Variants in NEBL observed in about 807,000 individuals in gnomAD.
The protein encoded by NEBL is LIM and SH3 protein 2.
NEBL carries 122 observed loss-of-function variants against 140.2 expected under a neutral mutation model. The ratio of observed to expected loss-of-function variants is 0.87; its 90% CI spans 0.75 to 1.01. NEBL has a LOEUF of 1.01. Ranked by LOEUF, NEBL falls within the 50% of genes least tolerant of loss-of-function variation. NEBL has a pLI of 0.00. For missense variants in NEBL, 1,365 were observed against 1,231.3 expected (o/e 1.11, Z -1.62); for synonymous variants, 436 against 398.9 (o/e 1.09, Z -1.11).
intron 2 of NEBL, chr10:21,126,121 G>A (rs1838819445): frequency 1.2e-6 from 2 of 1,606,540 alleles, no homozygotes; most frequent in African/African-American, 1.3e-5. Context: ...TGCCTTACCA[G>A]GCCTATGGGA....
At chr10:21,121,835 G>A (rs953342092) in intron 2 of NEBL, among the ~76,000 whole-genome samples, 1 of 152,158 alleles carries the variant, frequency 6.6e-6, no homozygotes, top group African/African-American at 2.4e-5. Flanking sequence ...CCAAAATGAA[G>A]TGATAGAAAA....
At chr10:20,797,065 G>C (rs950961141) in intron 26 of NEBL, among the ~76,000 whole-genome samples, 5 of 152,216 alleles carry the variant, frequency 3.3e-5, no homozygotes, top group Admixed American at 2.0e-4. Context: ...GGTAGACAGA[G>C]ATGCTATTTC....
chr10:20,961,432 T>C lies in NEBL; in HGVS notation c.357+240A>G, dbSNP rs566786283. On this transcript the variant is annotated intron_variant, in intron 4 of 6. Transcript: ENST00000417816. Reference sequence around the variant, plus strand: ...GCCTATTTTGGAAAAATTTGAAAGCTGAGAACCATTCAAAATGGAATAAGG... The same window carrying C: ...GCCTATTTTGGAAAAATTTGAAAGCCGAGAACCATTCAAAATGGAATAAGG... 3.9e-5 allele frequency among the ~76,000 whole-genome samples: 6 copies of C among 152,266 alleles called. No homozygotes were observed. The East Asian group carries it at 1.2e-3, about 29-fold the overall frequency.
chr10:21,134,566 C>A lies in NEBL; in HGVS notation c.164+37817G>T, dbSNP rs664959. 4.5e-3 allele frequency among the ~76,000 whole-genome samples: 681 copies of A among 152,062 alleles called. 14 individuals are homozygous for A. The East Asian group carries it at 0.049, about 11-fold the overall frequency. ...CTTCTTCCAAGGACTACCTTTTACA[C>A]GGTCGATCCCTAATTTTCCGGATTT... On this transcript the variant is annotated intron_variant, in intron 2 of 6. Transcript: ENST00000417816.
chr10:21,045,781 G>C (rs1834484874), intron 2 of NEBL, among the ~76,000 whole-genome samples: 1 of 152,134 alleles, frequency 6.6e-6, no homozygotes, highest in African/African-American at 2.4e-5. Context: ...AATTAGTATA[G>C]CCATTATGGA....
chr10:20,987,185 G>C (rs900251293), intron 3 of NEBL, among the ~76,000 whole-genome samples: 1 of 151,358 alleles, frequency 6.6e-6, no homozygotes, highest in Non-Finnish European at 1.5e-5. Flanking sequence ...CAAGATCATT[G>C]CTTCTTTTTT....
intron 26 of NEBL, among the ~76,000 whole-genome samples, chr10:20,796,503 A>C: frequency 6.6e-6 from 1 of 152,050 alleles, no homozygotes; most frequent in East Asian, 1.9e-4. Flanking sequence ...TTAGCCTCAC[A>C]AACCAAGAAA....
At chr10:21,243,195 A>T (rs1316074803) in intron 3 of NEBL, among the ~76,000 whole-genome samples, 2 of 152,068 alleles carry the variant, frequency 1.3e-5, no homozygotes, top group African/African-American at 4.8e-5. Flanking sequence ...CATGGTAGAC[A>T]TCCATTCAAG....
chr10:20,930,037 A>G (rs1240021236), intron 4 of NEBL, among the ~76,000 whole-genome samples: 4 of 152,160 alleles, frequency 2.6e-5, no homozygotes, highest in South Asian at 2.1e-4. Flanking sequence ...TGTAAATGCC[A>G]TCTAGGTGCT....
At chr10:21,207,912 G>A (rs1417610218) in intron 3 of NEBL, among the ~76,000 whole-genome samples, 1 of 152,198 alleles carries the variant, frequency 6.6e-6, no homozygotes, top group Non-Finnish European at 1.5e-5. Context: ...TCTTATGACA[G>A]ATACTGTTGA....
At chr10:21,263,925 A>C (rs1263498244) in intron 1 of NEBL, among the ~76,000 whole-genome samples, 1 of 152,116 alleles carries the variant, frequency 6.6e-6, no homozygotes, top group African/African-American at 2.4e-5. Context: ...AGATCACACC[A>C]TTGCACTCCA....
At chr10:21,120,346 G>A (rs77408923) in intron 2 of NEBL, among the ~76,000 whole-genome samples, 2,085 of 132,238 alleles carry the variant, frequency 0.016, 59 homozygotes, top group African/African-American at 0.059. Context: ...CTGCACTCAA[G>A]CCTGGGCAAC....
chr10:20,785,895 C>T lies in NEBL; in HGVS notation c.2897G>A (p.Ser966Asn). 1.2e-6 allele frequency: 2 copies of T among 1,614,026 alleles called. No homozygotes were observed. Among genetic ancestry groups the T allele is most frequent in the South Asian group, 1.1e-5 (1 of 91,080 alleles). ...LRTYRAMYDY[S>N]AQDEDEVSFR... ...GGAGACCTCGTCTTCATCCTGGGCA[C>T]TGTAATCGTACATGGCTCGGTAGGT... The change falls in exon 28 of 28, where the codon AGT (serine) becomes AAT (asparagine). Residue 966 changes from serine (S) to asparagine (N), a missense_variant. By Grantham distance (46) the Ser-to-Asn change is conservative (BLOSUM62 1). Transcript: ENST00000377122.
intron 1 of NEBL, among the ~76,000 whole-genome samples, chr10:21,264,781 C>T (rs974801244): frequency 1.5e-5 from 2 of 136,328 alleles, no homozygotes; most frequent in African/African-American, 5.4e-5. Flanking sequence ...ATGTATTGCT[C>T]ACAGTTCTGG....
chr10:20,808,451 T>A (rs767201270), intron 26 of NEBL, 59 bp downstream of exon 26: 98 of 1,556,906 alleles, frequency 6.3e-5, no homozygotes, highest in Non-Finnish European at 8.4e-5. Flanking sequence ...TTAAAGACAC[T>A]CTTGTGACAC....
intron 2 of NEBL, chr10:21,126,000 A>T (rs557327048): frequency 1.2e-6 from 2 of 1,614,094 alleles, no homozygotes; most frequent in Admixed American, 3.3e-5. Context: ...GCTTGTAGAG[A>T]CTGAAGCTGA....
intron 2 of NEBL, among the ~76,000 whole-genome samples, chr10:21,156,263 A>G (rs1589293095): frequency 1.3e-5 from 2 of 152,340 alleles, no homozygotes; most frequent in East Asian, 3.9e-4. Context: ...GTGTGGTTGT[A>G]AGCACGGGGC....
intron 1 of NEBL, among the ~76,000 whole-genome samples, chr10:21,252,268 T>A (rs1021303507): frequency 1.3e-5 from 2 of 152,374 alleles, no homozygotes; most frequent in Middle Eastern, 3.4e-3. Context: ...TCTTTCTTTT[T>A]GCAATTGTGT....
intron 3 of NEBL, among the ~76,000 whole-genome samples, chr10:20,968,099 G>A (rs1691700968): frequency 6.6e-6 from 1 of 152,170 alleles, no homozygotes; most frequent in Non-Finnish European, 1.5e-5. Flanking sequence ...CGGCCACTCT[G>A]AGTTTCTTCA....
Sources: allele counts gnomAD v4.1 joint callset (sites outside exome capture counted in the v4.1 genomes callset), GRCh38; gene constraint gnomAD v4.1.1; transcripts MANE v1.5; gene names NCBI Gene and HGNC (gene_info 2026-07-23, HGNC 2026-07-21).